The following SGO2 variants were observed in gnomAD, a reference collection of about 807,000 sequenced individuals.
SGO2 encodes shugoshin-like 2.
In SGO2, 68 loss-of-function variants were observed where a neutral mutation model predicts 99.5. The ratio of observed to expected loss-of-function variants is 0.68; its 90% CI spans 0.56 to 0.84. The LOEUF is 0.84. SGO2 is among the 40% of genes least tolerant of loss of function. SGO2 has a pLI of 0.00. For missense variants in SGO2, 1,350 were observed against 1,436.7 expected, an observed-to-expected ratio of 0.94 and a Z score of 0.97; for synonymous variants, 457 against 487.1, an observed-to-expected ratio of 0.94 and a Z score of 0.81.
intron 8 of SGO2, among the ~76,000 whole-genome samples, chr2:200,583,020 G>A (rs545899145): frequency 6.6e-6 from 1 of 152,168 alleles, no homozygotes. Flanking sequence ...ATTCAGGATA[G>A]TGGTCCCTTT....
intron 5 of SGO2, among the ~76,000 whole-genome samples, chr2:200,549,578 G>C (rs2032375562): frequency 6.6e-6 from 1 of 152,150 alleles, no homozygotes; most frequent in South Asian, 2.1e-4. Flanking sequence ...ATTCATGCTA[G>C]GGTTTTAAGG....
At position 200,572,948 on chromosome 2, in the gene SGO2, C is replaced by T; in HGVS notation, c.2602C>T (p.Leu868Phe). 1 of 1,597,318 alleles carries T rather than the reference C, an allele frequency of 6.3e-7. No homozygotes were observed. The highest frequency in any genetic ancestry group is 8.5e-7 in the Non-Finnish European group (1 of 1,174,526). Residue 868 changes from leucine (L) to phenylalanine (F), a missense_variant, in exon 7 of 9, where the codon CTC (leucine) becomes TTC (phenylalanine). Coordinates refer to ENST00000357799, the MANE Select transcript of SGO2 (RefSeq NM_152524.6). ...VTNEFQTVDL[L>F]IKDNGNLCDY... ...AAATGAATTTCAAACAGTTGATCTT[C>T]TCATCAAAGATAATGGAAATTTATG...
At chr2:200,575,736 A>G (rs756793988) in intron 8 of SGO2, among the ~76,000 whole-genome samples, 10 of 152,136 alleles carry the variant, frequency 6.6e-5, no homozygotes, top group South Asian at 6.2e-4. Flanking sequence ...CCTGATACTT[A>G]TAATTTTTAA....
chr2:200,572,321 G>A lies in SGO2; in HGVS notation c.1975G>A (p.Glu659Lys), dbSNP rs771669434. The A allele has an allele frequency of 6.2e-7, 1 of 1,607,980 alleles. No individual in the cohort carries two copies. Among genetic ancestry groups the A allele is most frequent in the South Asian group, 1.1e-5 (1 of 89,258 alleles). The change falls in exon 7 of 9, where the codon GAA becomes AAA. Residue 659 changes from glutamate to lysine, a missense_variant. Physicochemically the swap from Glu to Lys is moderately conservative, Grantham distance 56. Coordinates refer to ENST00000357799, the MANE Select transcript of SGO2 (RefSeq NM_152524.6). ...CCAAGAGGATAAAGAACCTATCTCT[G>A]AAAACATAGAAGTTTCCAAAGAGCT... ...KTQEDKEPIS[E>K]NIEVSKELQI...
Position 200,571,439 on chromosome 2 carries a change from A to G in SGO2, c.1093A>G (p.Met365Val), listed in dbSNP as rs1346541779. ...GCAGAAAACTGTGTATGATGCTGAC[A>G]TGGATTTAACTGCTAGTGAAGTCAG... The part of the protein sequence containing the change: ...QLQKTVYDAD[M>V]DLTASEVSKI... Residue 365 changes from methionine to valine, a missense_variant, in exon 7 of 9, where the codon ATG becomes GTG. Transcript: ENST00000357799. The G allele has an allele frequency of 6.2e-6, 10 of 1,611,116 alleles. No homozygotes were observed. In the Middle Eastern group the frequency reaches 6.6e-4, roughly 107 times the overall value.
Position 200,573,165 on chromosome 2 carries a change from A to G in SGO2, c.2819A>G (p.Asp940Gly), listed in dbSNP as rs2033518602. Residue 940 changes from aspartate to glycine, a missense_variant, in exon 7 of 9, where the codon GAT becomes GGT. Coordinates refer to ENST00000357799, the MANE Select transcript of SGO2 (RefSeq NM_152524.6). ...DAHVQESYTK[D>G]LDFKVNKSKQ... ...CATGTCCAAGAAAGCTATACAAAAG[A>G]TCTTGATTTTAAAGTAAATAAATCT... 1 of 1,586,950 alleles carries G rather than the reference A, an allele frequency of 6.3e-7. No individual in the cohort carries two copies. Among genetic ancestry groups the G allele is most frequent in the Non-Finnish European group, 8.5e-7 (1 of 1,172,958 alleles).
chr2:200,532,441 G>T, intron 1 of SGO2: 1 of 984,844 alleles, frequency 1.0e-6, no homozygotes, highest in Non-Finnish European at 1.2e-6. Context: ...ACAGTTAATC[G>T]CTTCTCCTCT....
At chr2:200,578,330 A>G (rs1000977370) in intron 8 of SGO2, among the ~76,000 whole-genome samples, 13 of 152,166 alleles carry the variant, frequency 8.5e-5, no homozygotes, top group Admixed American at 7.9e-4. Flanking sequence ...TACTATTTGG[A>G]GCACTTTCTT....
intron 8 of SGO2, chr2:200,576,108 A>G (rs1185042498): frequency 2.6e-6 from 1 of 392,052 alleles, no homozygotes; most frequent in Non-Finnish European, 5.0e-6. Context: ...GATCACATCT[A>G]ACAAAAAAGA....
At chr2:200,556,868 A>G (rs1357460829) in intron 5 of SGO2, among the ~76,000 whole-genome samples, 1 of 152,070 alleles carries the variant, frequency 6.6e-6, no homozygotes, top group Non-Finnish European at 1.5e-5. Flanking sequence ...AGAGAGAGGG[A>G]GAGAGAGAGA....
Position 200,534,204 on chromosome 2 carries a change from A to C in SGO2, c.134-792A>C, listed in dbSNP as rs374418025. On this transcript the variant is annotated intron_variant, in intron 2 of 8. Coordinates refer to ENST00000357799, the MANE Select transcript of SGO2 (RefSeq NM_152524.6). ...AGTGGCATATGTTATTGAATAGTGA[A>C]ATGTAAGTTAAAATTATGAAAATAT... 1.5e-3 allele frequency among the ~76,000 whole-genome samples: 230 copies of C among 152,296 alleles called. 1 individual carries two copies. The highest frequency in any genetic ancestry group is 5.2e-3 in the African/African-American group (216 of 41,556).
chr2:200,560,878 G>A (rs1370387240), intron 5 of SGO2, among the ~76,000 whole-genome samples: 1 of 152,032 alleles, frequency 6.6e-6, no homozygotes, highest in Non-Finnish European at 1.5e-5. Flanking sequence ...TTTGGGCCTG[G>A]AGTTTTTAAT....
chr2:200,532,272 GTT>G (rs58961852), intron 1 of SGO2: 144 of 187,526 alleles, frequency 7.7e-4, no homozygotes, highest in Non-Finnish European at 9.8e-4. Context: ...AGAGTTTTTT[GTT>G]TTTTTTTTTG....
Position 200,536,064 on chromosome 2 carries a change from G to T in SGO2, c.310-1G>T. On this transcript the variant is annotated splice_acceptor_variant, in intron 3 of 8. Transcript: ENST00000357799. LOFTEE classifies it high-confidence loss of function. ...AAGGGGTCTTTATTTTACATGTGCA[G>T]AATAAGAAGCTTATAGACATAGAAG... 1 of 1,550,074 alleles carries T rather than the reference G, an allele frequency of 6.5e-7. No homozygotes were observed. The highest frequency in any genetic ancestry group is 8.8e-7 in the Non-Finnish European group (1 of 1,138,314).
chr2:200,546,910 G>T (rs2032242592), intron 5 of SGO2, among the ~76,000 whole-genome samples: 1 of 152,118 alleles, frequency 6.6e-6, no homozygotes, highest in Non-Finnish European at 1.5e-5. Context: ...AGAATTATTA[G>T]TGTTTAAGAG....
Position 200,575,634 on chromosome 2 carries a change from C to G in SGO2, c.3782+173C>G, listed in dbSNP as rs1049989743. 4.6e-5 allele frequency among the ~76,000 whole-genome samples: 7 copies of G among 152,134 alleles called. No individual in the cohort carries two copies. In the East Asian group the frequency reaches 1.3e-3, roughly 29 times the overall value. On this transcript the variant is annotated intron_variant, in intron 8 of 8. Coordinates refer to ENST00000357799, the MANE Select transcript of SGO2 (RefSeq NM_152524.6). The stretch of plus-strand genomic sequence containing the variant: ...TGAAGAAATATGTCCTTTGGACAGG[C>G]TATTTTTGGGGGGTTGGAGAATTGT...
intron 1 of SGO2, among the ~76,000 whole-genome samples, chr2:200,530,259 G>A (rs1450520171): frequency 6.6e-6 from 1 of 152,156 alleles, no homozygotes; most frequent in Non-Finnish European, 1.5e-5. Flanking sequence ...TAGGTTGGCA[G>A]CAATGGACAT....
At chr2:200,542,324 T>A (rs1461911649) in intron 4 of SGO2, among the ~76,000 whole-genome samples, 5 of 152,196 alleles carry the variant, frequency 3.3e-5, no homozygotes, top group African/African-American at 1.2e-4. Context: ...GTAGGTATAG[T>A]CATGTATTTA....
At chr2:200,580,895 T>G (rs2033822804) in intron 8 of SGO2, among the ~76,000 whole-genome samples, 1 of 152,182 alleles carries the variant, frequency 6.6e-6, no homozygotes, top group Non-Finnish European at 1.5e-5. Flanking sequence ...TTGCAATCAA[T>G]TTTTCTCTGA....
Sources: gnomAD v4.1 joint callset for allele counts (sites outside exome capture counted in the v4.1 genomes callset) on GRCh38, gnomAD v4.1.1 for gene constraint, MANE v1.5 for transcripts, NCBI Gene and HGNC (gene_info 2026-07-23, HGNC 2026-07-21) for gene names.